The following INPP5E variants were observed in gnomAD, a reference collection of about 807,000 sequenced individuals.
INPP5E encodes phosphatidylinositol polyphosphate 5-phosphatase type IV.
A neutral mutation model predicts 50.5 loss-of-function variants in INPP5E; 34 were observed. That is an observed-to-expected ratio of 0.67 (90% confidence interval 0.51 to 0.90). The LOEUF (loss-of-function observed/expected upper bound fraction) is 0.90. INPP5E is among the 40% of genes least tolerant of loss of function. The pLI is 0.00. For missense variants in INPP5E, 942 were observed against 905.5 expected, an observed-to-expected ratio of 1.04 and a Z score of -0.52; for synonymous variants, 447 against 406.0, an observed-to-expected ratio of 1.10 and a Z score of -1.21.
At chr9:136,437,208 G>A (rs1835849896) in intron 1 of INPP5E, 1 of 152,320 alleles carries the variant, frequency 6.6e-6, no homozygotes, top group Admixed American at 6.5e-5. Context: ...GTGCACCACA[G>A]ACGCGGGGAA....
chr9:136,438,756 GGAGCTTGTAGTCTGCAAGATCCGAGTC>G lies in INPP5E; in HGVS notation c.637_663del (p.Asp213_Leu221del). The G allele has an allele frequency of 9.9e-6, 16 of 1,611,598 alleles. No individual in the cohort carries two copies. The highest frequency in any genetic ancestry group is 1.4e-5 in the Non-Finnish European group (16 of 1,179,522). ...GCCCGCACCAGGAGCGGCTGCGCGC[GGAGCTTGTAGTCTGCAAGATCCGAGTC>G]GACCTTGTTTGCTGTCCTCAGGGAG... is the stretch of plus-strand genomic sequence containing the variant. On this transcript the variant is annotated inframe_deletion, in exon 1 of 10. Transcript: ENST00000371712.
chr9:136,437,839 C>A, intron 1 of INPP5E: 1 of 152,738 alleles, frequency 6.5e-6, no homozygotes. Flanking sequence ...GGACAGGCCC[C>A]CAGACTGAGA....
Position 136,438,610 on chromosome 9 carries a change from G to C in INPP5E, c.810C>G (p.Ser270Arg). 1 of 1,555,864 alleles carries C rather than the reference G, an allele frequency of 6.4e-7. No homozygotes were observed. The highest frequency in any genetic ancestry group is 1.8e-4 in the Middle Eastern group (1 of 5,590). The change falls in exon 1 of 10, where the codon AGC becomes AGG. Residue 270 changes from serine to arginine, a missense_variant and splice_region_variant. Physicochemically the swap from Ser to Arg is moderately radical, Grantham distance 110 (BLOSUM62 -1). Transcript: ENST00000371712. Reference sequence around the variant, plus strand: ...TGCACCCGCCAGGCCCTCCCTACCTGCTGCGGACGTCCTTGCTGCGGATGG... The same window carrying C: ...TGCACCCGCCAGGCCCTCCCTACCTCCTGCGGACGTCCTTGCTGCGGATGG... ...LAPIRSKDVR[S>R]RSYLEGSLLA...
rs1835648112 is a variant in INPP5E at position 136,429,459 on chromosome 9, G to A, written c.*216C>T. 1.5e-6 allele frequency: 1 copy of A among 676,948 alleles called. No individual in the cohort carries two copies. The highest frequency in any genetic ancestry group is 1.6e-5 in the South Asian group (1 of 61,488). 41.9% of individuals were successfully genotyped at this position (676,948 alleles called of 1,614,324 possible). ...CCATGCTGTATGGACCTGCCATGGA[G>A]ACGGGGGTCCAAGCCCTGCCCACCC... On this transcript the variant is annotated 3_prime_UTR_variant, in exon 10 of 10. Coordinates refer to ENST00000371712, the MANE Select transcript of INPP5E (RefSeq NM_019892.6).
rs527616224 is a variant in INPP5E, at chr9:136,434,615, G to A, written c.936+125C>T. 260 of 1,325,548 alleles carry A rather than the reference G, an allele frequency of 2.0e-4. 1 individual carries two copies. In the African/African-American group the frequency reaches 3.3e-3, roughly 17 times the overall value. The allele number at this position is 1,325,548 out of a possible 1,614,324, so 82.1% of individuals were successfully genotyped here. On this transcript the variant is annotated intron_variant, in intron 2 of 9. Coordinates refer to ENST00000371712, the MANE Select transcript of INPP5E (RefSeq NM_019892.6). ...CCTCCTGTACTGCGGTTAGCAGTGG[G>A]GTGCACCTCGGGGCTCTGCCCTCCT...
rs1206812099 is a variant in INPP5E at position 136,433,047 on chromosome 9, G to A, written c.1188C>T (p.Arg396=). ...CCTTGGTCTTGATCTGAGACACGAT[G>A]CGTGTGGTCACCGTGGAGCACTCCA... The part of the protein sequence containing the change: ...SEVECSTVTT[R]IVSQIKTKGA... Residue 396 remains arginine (R), a synonymous_variant, in exon 5 of 10, where the codon CGC becomes CGT. Transcript: ENST00000371712. The A allele has an allele frequency of 1.2e-6, 2 of 1,613,430 alleles. No individual in the cohort carries two copies. Among genetic ancestry groups the A allele is most frequent in the Non-Finnish European group, 1.7e-6 (2 of 1,179,904 alleles).
In INPP5E at chr9:136,431,855, C is replaced by T. The variant is rs2131606862; in HGVS notation, c.1518G>A (p.Gln506=). 1 of 1,608,688 alleles carries T rather than the reference C, an allele frequency of 6.2e-7. No homozygotes were observed. The highest frequency in any genetic ancestry group is 2.2e-5 in the East Asian group (1 of 44,672). The stretch of plus-strand genomic sequence containing the variant: ...GCATCTCCCGGATGAGCTGGTCGTG[C>T]TGCAGCAGCGCCGGCACGTCCACCA... The part of the protein sequence containing the change: ...GLVVDVPALL[Q]HDQLIREMRK... Residue 506 remains glutamine, a synonymous_variant, in exon 7 of 10, where the codon CAG becomes CAA. Coordinates refer to ENST00000371712, the MANE Select transcript of INPP5E (RefSeq NM_019892.6).
chr9:136,439,006 C>T lies in INPP5E; in HGVS notation c.414G>A (p.Gln138=), dbSNP rs1192243024. 1 of 1,587,418 alleles carries T rather than the reference C, an allele frequency of 6.3e-7. No individual in the cohort carries two copies. Among genetic ancestry groups the T allele is most frequent in the South Asian group, 1.1e-5 (1 of 87,548 alleles). ...CSPPCLSTSL[Q]EIPKSRGVLS... ...GGACCCCGCGGGACTTGGGGATTTC[C>T]TGCAAGGAGGTGCTCAGGCAGGGCG... Residue 138 remains glutamine (Q), a synonymous_variant, in exon 1 of 10, where the codon CAG becomes CAA. Transcript: ENST00000371712.
intron 9 of INPP5E, 91 bp downstream of exon 9, chr9:136,430,186 G>A: frequency 6.7e-7 from 1 of 1,493,976 alleles, no homozygotes; most frequent in South Asian, 1.2e-5. Flanking sequence ...AGCCCCAAGT[G>A]GAACCCCACG....
rs1403978152 is a variant in INPP5E, at chr9:136,432,540, A to C, written c.1326T>G (p.Thr442=). ...VAERLLDYTR[T]VQALVLPRNV... ...TTCTGGGCAGGACCAGGGCTTGTAC[A>C]GTCCTGGTGTAGTCCAGCAGCCGCT... The change falls in exon 6 of 10, where the codon ACT becomes ACG. Residue 442 remains threonine, a synonymous_variant. Transcript: ENST00000371712. 1 of 1,551,240 alleles carries C rather than the reference A, an allele frequency of 6.4e-7. No homozygotes were observed. The highest frequency in any genetic ancestry group is 8.7e-7 in the Non-Finnish European group (1 of 1,147,192).
intron 1 of INPP5E, 131 bp downstream of exon 1, chr9:136,438,477 G>A: frequency 1.2e-6 from 1 of 834,026 alleles, no homozygotes; most frequent in Non-Finnish European, 2.0e-6. Flanking sequence ...GGGTGGCTGC[G>A]GGAGACCCGC....
Position 136,431,972 on chromosome 9 carries a change from G to C in INPP5E, c.1401C>G (p.Thr467=), listed in dbSNP as rs1835718113. 1 of 1,612,424 alleles carries C rather than the reference G, an allele frequency of 6.2e-7. No individual in the cohort carries two copies. The highest frequency in any genetic ancestry group is 1.1e-5 in the South Asian group (1 of 91,072). The change falls in exon 7 of 10, where the codon ACC becomes ACG. Residue 467 remains threonine, a synonymous_variant. Coordinates refer to ENST00000371712, the MANE Select transcript of INPP5E (RefSeq NM_019892.6). ...PYRSSAADVT[T]RFDEVFWFGD... ...CAAACCAGAACACCTCATCGAAGCGGGTGGTGACGTCCGCTGCGGCACAGT... is the reference window on the plus strand; with the variant it reads ...CAAACCAGAACACCTCATCGAAGCGCGTGGTGACGTCCGCTGCGGCACAGT...
Position 136,431,908 on chromosome 9 carries a change from C to T in INPP5E, c.1465G>A (p.Val489Met), listed in dbSNP as rs781083748. ...NFRLSGGRTV[V>M]DALLCQGLVV... ...AGGCCCTGGCACAGGAGGGCGTCCACGACTGTGCGCCCGCCACTCAGGCGG... is the reference window on the plus strand; with the variant it reads ...AGGCCCTGGCACAGGAGGGCGTCCATGACTGTGCGCCCGCCACTCAGGCGG... Residue 489 changes from valine (V) to methionine (M), a missense_variant, in exon 7 of 10, where the codon GTG (valine) becomes ATG (methionine). Transcript: ENST00000371712. 1.2e-5 allele frequency: 19 copies of T among 1,611,116 alleles called. No homozygotes were observed. Among genetic ancestry groups the T allele is most frequent in the South Asian group, 1.1e-4 (10 of 90,982 alleles).
At position 136,430,328 on chromosome 9, in the gene INPP5E, T is replaced by C. The variant is rs1270790458; in HGVS notation, c.1751A>G (p.His584Arg). ...SSCPGIKTSD[H>R]RPVYGLFRVK... ...CCGGAAGAGGCCATACACAGGGCGGTGGTCGGACGTCTTGATCCCGGGGCA... is the reference window on the plus strand; with the variant it reads ...CCGGAAGAGGCCATACACAGGGCGGCGGTCGGACGTCTTGATCCCGGGGCA... The change falls in exon 9 of 10, where the codon CAC becomes CGC. Residue 584 changes from histidine to arginine, a missense_variant. Transcript: ENST00000371712. 2 of 1,552,268 alleles carry C rather than the reference T, an allele frequency of 1.3e-6. No homozygotes were observed. The highest frequency in any genetic ancestry group is 1.7e-6 in the Non-Finnish European group (2 of 1,147,288).
chr9:136,434,662 G>T (rs967595756), intron 2 of INPP5E, 78 bp downstream of exon 2: 71 of 1,534,418 alleles, frequency 4.6e-5, no homozygotes, highest in Non-Finnish European at 5.8e-5. Flanking sequence ...GAGGCACAGA[G>T]CTGCCCCGTC....
At chr9:136,432,779 C>T (rs575366535) in intron 5 of INPP5E, among the ~76,000 whole-genome samples, 177 bp downstream of exon 5, 21 of 152,342 alleles carry the variant, frequency 1.4e-4, no homozygotes, top group African/African-American at 4.8e-4. Flanking sequence ...GGCACGCCCT[C>T]GGTGCCGGGG....
At position 136,438,916 on chromosome 9, in the gene INPP5E, G is replaced by A. The variant is rs1260143242; in HGVS notation, c.504C>T (p.Ser168=). ...GNPLSGVASS[S]PNLPHRDAAV... ...CGGCGTCTCTGTGCGGGAGGTTCGG[G>A]GAGCTGCTGGCCACCCCAGAGAGAG... The change falls in exon 1 of 10, where the codon TCC becomes TCT. Residue 168 remains serine (S), a synonymous_variant. Coordinates refer to ENST00000371712, the MANE Select transcript of INPP5E (RefSeq NM_019892.6). The A allele has an allele frequency of 6.4e-7, 1 of 1,574,130 alleles. No individual in the cohort carries two copies. The highest frequency in any genetic ancestry group is 8.6e-7 in the Non-Finnish European group (1 of 1,160,280).
At chr9:136,432,758 G>A (rs553359002) in intron 5 of INPP5E, among the ~76,000 whole-genome samples, 172 bp from the exon 6 acceptor site, 15 of 152,340 alleles carry the variant, frequency 9.8e-5, no homozygotes, top group East Asian at 7.7e-4. Flanking sequence ...GACAGAGCAC[G>A]GGCCCAGCAC....
At position 136,433,189 on chromosome 9, in the gene INPP5E, G is replaced by C. The variant is rs1339976754; in HGVS notation, c.1125C>G (p.Leu375=). The C allele has an allele frequency of 1.3e-6, 2 of 1,594,100 alleles. No homozygotes were observed. The highest frequency in any genetic ancestry group is 1.7e-6 in the Non-Finnish European group (2 of 1,177,088). ...ACCAGATGAGGTCCCTGCGGATGAA[G>C]AGCGACATGTAGAGCACGCCGTGGG... is the stretch of plus-strand genomic sequence containing the variant. The part of the protein sequence containing the change: ...SAAHGVLYMS[L]FIRRDLIWFC... The change falls in exon 4 of 10, where the codon CTC becomes CTG. Residue 375 remains leucine (L), a synonymous_variant. Coordinates refer to ENST00000371712, the MANE Select transcript of INPP5E (RefSeq NM_019892.6).
Sources: allele counts gnomAD v4.1 joint callset (sites outside exome capture counted in the v4.1 genomes callset), GRCh38; gene constraint gnomAD v4.1.1; transcripts MANE v1.5; gene names NCBI Gene and HGNC (gene_info 2026-07-23, HGNC 2026-07-21).